Variants in MLLT1 observed in about 807,000 individuals in gnomAD.
MLLT1 encodes MLLT1 super elongation complex subunit, also known as protein ENL.
MLLT1 carries 11 observed loss-of-function variants against 55.1 expected under a neutral mutation model. The ratio of observed to expected loss-of-function variants is 0.20; its 90% CI spans 0.13 to 0.33. The LOEUF is 0.33. Among genes scored for constraint, MLLT1 ranks in the 10% least tolerant of loss-of-function variants. MLLT1 has a pLI of 1.00. For synonymous variants in MLLT1, 323 were observed against 320.1 expected (o/e 1.01, Z -0.10); for missense variants, 536 against 760.6 (o/e 0.70, Z 3.47).
chr19:6,225,177 T>C (rs377565704), intron 5 of MLLT1, among the ~76,000 whole-genome samples: 9 of 152,162 alleles, frequency 5.9e-5, no homozygotes, highest in African/African-American at 2.2e-4. Flanking sequence ...GAGGCTGTGG[T>C]TCCTGCCTGC....
chr19:6,250,843 T>C (rs2091206936), intron 3 of MLLT1, among the ~76,000 whole-genome samples: 1 of 152,176 alleles, frequency 6.6e-6, no homozygotes, highest in Non-Finnish European at 1.5e-5. Flanking sequence ...GGGAACAGCC[T>C]GCATGGCCGT....
At chr19:6,216,559 C>G (rs1448106339) in intron 7 of MLLT1, 46 bp from the exon 8 acceptor site, 2 of 1,405,976 alleles carry the variant, frequency 1.4e-6, no homozygotes, top group South Asian at 2.5e-5. Context: ...GGCAGGGCTC[C>G]ACTGAGCCTC....
At chr19:6,246,122 A>C (rs1236305632) in intron 3 of MLLT1, among the ~76,000 whole-genome samples, 2 of 151,834 alleles carry the variant, frequency 1.3e-5, no homozygotes, top group Non-Finnish European at 2.9e-5. Context: ...AAAAAAAAGG[A>C]AAACAACCTG....
rs1213596507 is a variant in MLLT1, at chr19:6,211,771, C to T, written c.*1271G>A. The T allele has an allele frequency of 2.2e-5, 23 of 1,063,924 alleles. No individual in the cohort carries two copies. Among genetic ancestry groups the T allele is most frequent in the African/African-American group, 6.6e-5 (4 of 60,946 alleles). 65.9% of individuals were successfully genotyped at this position (1,063,924 alleles called of 1,614,324 possible). On this transcript the variant is annotated 3_prime_UTR_variant, in exon 12 of 12. Transcript: ENST00000252674. This position sits in a 1 kb window ranked among gnomAD's most constrained non-coding sequence, Gnocchi z 4.6. ...ACCCCCAGCCACGATGGGCTGGCTC[C>T]GCGGGAGCGTCCTGGCCCTGGAAGA...
intron 3 of MLLT1, among the ~76,000 whole-genome samples, chr19:6,238,617 A>C (rs1264726954): frequency 6.6e-6 from 1 of 152,234 alleles, no homozygotes; most frequent in Admixed American, 6.5e-5. Flanking sequence ...ACAGCTCTCA[A>C]TTTGAATTCA....
intron 2 of MLLT1, among the ~76,000 whole-genome samples, chr19:6,265,038 C>CAAAAAAAAAAAAAAAAAAAAA (rs928827048): frequency 3.3e-4 from 7 of 21,216 alleles, no homozygotes; most frequent in African/African-American, 8.5e-4. Context: ...TAGTGAACAG[C>CAAAAAAAAAAAAAAAAAAAAA]AAAAAAAAAA....
At chr19:6,213,871 T>C in intron 9 of MLLT1, 68 bp downstream of exon 9, 1 of 1,564,676 alleles carries the variant, frequency 6.4e-7, no homozygotes, top group Non-Finnish European at 8.7e-7. Flanking sequence ...CAAACCCTCC[T>C]AGGACAGCCC....
At chr19:6,213,545 G>T in intron 10 of MLLT1, 137 bp from the exon 11 acceptor site, 1 of 998,106 alleles carries the variant, frequency 1.0e-6, no homozygotes, top group Non-Finnish European at 1.6e-6. Context: ...AAGGCCCAAG[G>T]CTGCAGGGGC....
At position 6,240,591 on chromosome 19, in the gene MLLT1, G is replaced by T. The variant is rs2091105097; in HGVS notation, c.277-9878C>A. ...CCAGAGACCCCCGGGATACACCGTTGGGAGAAGAAAGCAAACCACGAGACT... is the reference window on the plus strand; with the variant it reads ...CCAGAGACCCCCGGGATACACCGTTTGGAGAAGAAAGCAAACCACGAGACT... On this transcript the variant is annotated intron_variant, in intron 3 of 11. Transcript: ENST00000252674. The surrounding 1 kb of genome is among the most constrained non-coding windows in gnomAD (Gnocchi z 4.7). Among the ~76,000 whole-genome samples, 1 of 152,188 alleles carries T rather than the reference G, an allele frequency of 6.6e-6. No homozygotes were observed. The highest frequency in any genetic ancestry group is 1.5e-5 in the Non-Finnish European group (1 of 68,034).
chr19:6,262,214 C>CA lies in MLLT1; in HGVS notation c.276+13_276+14insT, dbSNP rs760056255. The CA allele has an allele frequency of 6.2e-6, 10 of 1,612,122 alleles. No homozygotes were observed. The highest frequency in any genetic ancestry group is 8.5e-6 in the Non-Finnish European group (10 of 1,178,436). ...ACAGAGAGGCATCCTGCTTGCTCCC[C>CA]TCAGGGATCCTACCTTGTTTTTGAA... On this transcript the variant is annotated intron_variant, in intron 3 of 11. Coordinates refer to ENST00000252674, the MANE Select transcript of MLLT1 (RefSeq NM_005934.4). This position sits in a 1 kb window ranked among gnomAD's most constrained non-coding sequence, Gnocchi z 4.4.
Position 6,264,577 on chromosome 19 carries a change from T to C in MLLT1, c.194-2267A>G, listed in dbSNP as rs147771375. On this transcript the variant is annotated intron_variant, in intron 2 of 11. Transcript: ENST00000252674. ...CAATGTCCTCAGATTCAAGGAGATA[T>C]ATATCCAACAAATAAAAATAAGATA... 2.3e-3 allele frequency among the ~76,000 whole-genome samples: 353 copies of C among 151,652 alleles called. 3 individuals are homozygous for C. The highest frequency in any genetic ancestry group is 7.5e-3 in the African/African-American group (308 of 41,318).
At chr19:6,266,758 G>A (rs1455599257) in intron 2 of MLLT1, among the ~76,000 whole-genome samples, 1 of 152,098 alleles carries the variant, frequency 6.6e-6, no homozygotes, top group Non-Finnish European at 1.5e-5. Context: ...CGCCCAGCCA[G>A]AAATGTCTGA....
At chr19:6,278,426 G>T (rs949522280) in intron 1 of MLLT1, among the ~76,000 whole-genome samples, 1 of 91,872 alleles carries the variant, frequency 1.1e-5, no homozygotes, top group African/African-American at 3.1e-5. Context: ...AGAGCGTTTA[G>T]GGAGGTTGGG....
At chr19:6,252,661 A>G (rs973007851) in intron 3 of MLLT1, among the ~76,000 whole-genome samples, 1 of 152,242 alleles carries the variant, frequency 6.6e-6, no homozygotes, top group African/African-American at 2.4e-5. Context: ...GACTCCTTCT[A>G]CACCCTAAGG....
rs1332529267 is a variant in MLLT1, at chr19:6,229,762, C to T, written c.420+808G>A. ...CACACTGTACATGCCACACCCCACA[C>T]ATACACACGACACACACCCCATACC... On this transcript the variant is annotated intron_variant, in intron 4 of 11. Coordinates refer to ENST00000252674, the MANE Select transcript of MLLT1 (RefSeq NM_005934.4). The surrounding 1 kb of genome is among the most constrained non-coding windows in gnomAD (Gnocchi z 5.2). Among the ~76,000 whole-genome samples the T allele has an allele frequency of 6.6e-6, 1 of 151,718 alleles. No individual in the cohort carries two copies. Among genetic ancestry groups the T allele is most frequent in the Admixed American group, 6.6e-5 (1 of 15,218 alleles).
At chr19:6,241,141 G>A (rs912326852) in intron 3 of MLLT1, among the ~76,000 whole-genome samples, 22 of 152,148 alleles carry the variant, frequency 1.4e-4, no homozygotes, top group African/African-American at 5.3e-4. Context: ...TGAGACCTGC[G>A]AGTGGTCAGT....
chr19:6,232,257 C>T (rs1165900311), intron 3 of MLLT1, among the ~76,000 whole-genome samples: 1 of 152,146 alleles, frequency 6.6e-6, no homozygotes, highest in East Asian at 1.9e-4. Context: ...AACAAACAAA[C>T]AAGCAAACAA....
chr19:6,227,073 C>T lies in MLLT1; in HGVS notation c.450G>A (p.Thr150=), dbSNP rs2144869967. 3.1e-6 allele frequency: 5 copies of T among 1,602,190 alleles called. No individual in the cohort carries two copies. Among genetic ancestry groups the T allele is most frequent in the East Asian group, 2.3e-5 (1 of 43,434 alleles). ...GGTAGTCGGGACTGGGCCTGGACAC[C>T]GTGTCTGCTCCTTCGGGCATTACCA... ...GVMVMPEGAD[T]VSRPSPDYPM... The change falls in exon 5 of 12, where the codon ACG becomes ACA. Residue 150 remains threonine (T), a synonymous_variant. Transcript: ENST00000252674. This position sits in a 1 kb window ranked among gnomAD's most constrained non-coding sequence, Gnocchi z 5.1.
At chr19:6,250,582 C>T (rs533559048) in intron 3 of MLLT1, among the ~76,000 whole-genome samples, 62 of 152,310 alleles carry the variant, frequency 4.1e-4, no homozygotes, top group African/African-American at 1.4e-3. Flanking sequence ...CTCATCATGC[C>T]GAATACAATG....
Sources: allele counts gnomAD v4.1 joint callset (sites outside exome capture counted in the v4.1 genomes callset), GRCh38; gene constraint gnomAD v4.1.1; non-coding constraint Gnocchi (gnomAD v3.1); transcripts MANE v1.5; gene names NCBI Gene and HGNC (gene_info 2026-07-23, HGNC 2026-07-21).